EBF4: variants seen among roughly 807,000 people sequenced by gnomAD.
The protein encoded by EBF4 is transcription factor COE4.
A neutral mutation model predicts 67.1 loss-of-function variants in EBF4; 34 were observed. The observed-to-expected ratio is 0.51, with a 90% CI of 0.39 to 0.67. The LOEUF (loss-of-function observed/expected upper bound fraction) is 0.67. Among genes scored for constraint, EBF4 ranks in the 30% least tolerant of loss-of-function variants. The probability of loss-of-function intolerance (pLI) is 0.00; values close to 1 mark genes in which losing one functional copy is unlikely to be tolerated. For synonymous variants in EBF4, 387 were observed against 377.7 expected (o/e 1.02, Z -0.29); for missense variants, 837 against 873.3 (o/e 0.96, Z 0.52).
chr20:2,758,817 C>A, intron 15 of EBF4, 92 bp from the exon 16 acceptor site: 1 of 1,140,134 alleles, frequency 8.8e-7, no homozygotes, highest in South Asian at 1.3e-5. Context: ...GTGCTATATC[C>A]CCTGCCTGCT....
rs1321239063 is a variant in EBF4 at position 2,751,652 on chromosome 20, T to G, written c.1019-48T>G. On this transcript the variant is annotated intron_variant, in intron 10 of 16. Transcript: ENST00000609451. This position sits in a 1 kb window ranked among gnomAD's most constrained non-coding sequence, Gnocchi z 5.2. ...GGCGCCCTGCGTCTCACCCTGGGAG[T>G]GGGGGGCTGCGGGGGAGACGTCCTC... 6.5e-7 allele frequency: 1 copy of G among 1,536,600 alleles called. No homozygotes were observed. Among genetic ancestry groups the G allele is most frequent in the Non-Finnish European group, 8.8e-7 (1 of 1,135,426 alleles).
intron 6 of EBF4, among the ~76,000 whole-genome samples, chr20:2,722,751 TTTTA>T (rs1352539039): frequency 1.3e-5 from 2 of 152,258 alleles, no homozygotes; most frequent in Non-Finnish European, 2.9e-5. Context: ...TTGAAAAATG[TTTTA>T]TTTATTTCAT....
At chr20:2,708,098 G>A (rs2087485051) in intron 5 of EBF4, 78 bp downstream of exon 5, 8 of 1,425,114 alleles carry the variant, frequency 5.6e-6, no homozygotes, top group South Asian at 4.0e-5. Context: ...CTGCCCCCTC[G>A]CCGCCCTTGC....
At chr20:2,737,360 C>T (rs528789139) in intron 6 of EBF4, among the ~76,000 whole-genome samples, 1 of 152,118 alleles carries the variant, frequency 6.6e-6, no homozygotes, top group Non-Finnish European at 1.5e-5. Flanking sequence ...GTGAGTGAAC[C>T]GCCTGCAACT....
At chr20:2,728,240 G>A (rs2087769738) in intron 6 of EBF4, among the ~76,000 whole-genome samples, 2 of 152,216 alleles carry the variant, frequency 1.3e-5, no homozygotes, top group African/African-American at 4.8e-5. Context: ...ATCCCTGGAT[G>A]AAATAATGGA....
intron 6 of EBF4, among the ~76,000 whole-genome samples, chr20:2,717,759 C>T (rs1330680190): frequency 6.6e-6 from 1 of 151,290 alleles, no homozygotes; most frequent in Non-Finnish European, 1.5e-5. Context: ...TGCTTTATTG[C>T]ACTGGCTAGG....
At chr20:2,693,188 G>T, upstream of EBF4, 1 of 155,118 alleles carries the variant, frequency 6.4e-6, no homozygotes, top group South Asian at 1.8e-4. This position sits in a 1 kb window ranked among gnomAD's most constrained non-coding sequence, Gnocchi z 4.6. Context: ...GCGGGCGGGC[G>T]GGCGGGAGGT....
At chr20:2,752,911 T>C (rs1282646239) in intron 14 of EBF4, among the ~76,000 whole-genome samples, 2 of 152,314 alleles carry the variant, frequency 1.3e-5, no homozygotes, top group South Asian at 2.1e-4. Context: ...GCGCCCGGAC[T>C]TGGGGAGGAG....
At position 2,729,713 on chromosome 20, in the gene EBF4, C is replaced by A. The variant is rs187564930; in HGVS notation, c.558-18836C>A. Among the ~76,000 whole-genome samples, 38 of 152,302 alleles carry A rather than the reference C, an allele frequency of 2.5e-4. 1 individual carries two copies. Among genetic ancestry groups the A allele is most frequent in the African/African-American group, 9.1e-4 (38 of 41,572 alleles). ...TACATTGTCGTTCTTAACTTTGAGA[C>A]CTCAGCTGAAACCAAGACAAAAAGA... On this transcript the variant is annotated intron_variant, in intron 6 of 16. Coordinates refer to ENST00000609451, the Ensembl canonical transcript of EBF4.
intron 10 of EBF4, 115 bp downstream of exon 10, chr20:2,750,088 A>C: frequency 7.1e-7 from 1 of 1,399,750 alleles, no homozygotes; most frequent in Non-Finnish European, 9.3e-7. Flanking sequence ...TGTGGCCACG[A>C]CCCCTAGACG....
intron 6 of EBF4, among the ~76,000 whole-genome samples, chr20:2,728,190 A>G (rs1404014174): frequency 6.6e-6 from 1 of 152,210 alleles, no homozygotes; most frequent in Non-Finnish European, 1.5e-5. Flanking sequence ...CATTTCTAAC[A>G]ACTGCCCTAT....
intron 1 of EBF4, among the ~76,000 whole-genome samples, chr20:2,705,063 G>C (rs2087431442): frequency 6.6e-6 from 1 of 152,248 alleles, no homozygotes; most frequent in Non-Finnish European, 1.5e-5. Flanking sequence ...TAGTGGTCCT[G>C]AGCCAGTTTG....
At chr20:2,725,353 T>C (rs369527141) in intron 6 of EBF4, among the ~76,000 whole-genome samples, 56 of 152,316 alleles carry the variant, frequency 3.7e-4, no homozygotes, top group East Asian at 1.7e-3. Context: ...ATCCCATGAG[T>C]TTTTTATTTC....
intron 2 of EBF4, 62 bp downstream of exon 2, chr20:2,705,795 A>G: frequency 3.6e-6 from 3 of 835,150 alleles, no homozygotes; most frequent in East Asian, 4.3e-5. Flanking sequence ...CCACACACAC[A>G]CACACACACA....
intron 1 of EBF4, among the ~76,000 whole-genome samples, chr20:2,697,186 C>T (rs2087302238): frequency 1.3e-5 from 2 of 152,202 alleles, no homozygotes; most frequent in South Asian, 4.1e-4. Flanking sequence ...GAGGAAAAGG[C>T]CCAGAAGGCC....
At position 2,745,778 on chromosome 20, in the gene EBF4, C is replaced by T. The variant is rs117609091; in HGVS notation, c.558-2771C>T. Among the ~76,000 whole-genome samples the T allele has an allele frequency of 1.7e-3, 263 of 152,268 alleles. 1 individual carries two copies. Among genetic ancestry groups the T allele is most frequent in the Middle Eastern group, 6.8e-3 (2 of 294 alleles). On this transcript the variant is annotated intron_variant, in intron 6 of 16. Coordinates refer to ENST00000609451, the Ensembl canonical transcript of EBF4. The surrounding 1 kb of genome is among the most constrained non-coding windows in gnomAD (Gnocchi z 5.2). ...CCTTCATGGGTGTGGAAGGATTTAC[C>T]TACCCCGGGTCATGCAGAGAGTCCA...
chr20:2,737,132 C>A (rs1409054557), intron 6 of EBF4, among the ~76,000 whole-genome samples: 1 of 151,810 alleles, frequency 6.6e-6, no homozygotes, highest in Admixed American at 6.6e-5. Context: ...CGCCTGTAGT[C>A]CCAGCTACTC....
At chr20:2,710,006 C>T (rs1202134607) in intron 6 of EBF4, among the ~76,000 whole-genome samples, 2 of 152,228 alleles carry the variant, frequency 1.3e-5, no homozygotes, top group Non-Finnish European at 2.9e-5. Context: ...CTCAGGTTCC[C>T]AGTTCACCCC....
At position 2,706,420 on chromosome 20, in the gene EBF4, G is replaced by A. The variant is rs192858784; in HGVS notation, c.414+156G>A. ...CCCAGTTCCCACCCCAGCCTGTGCC[G>A]GAGGGTGTGTGGCTTTTGCCCTCTG... On this transcript the variant is annotated intron_variant, in intron 4 of 16. Coordinates refer to ENST00000609451, the Ensembl canonical transcript of EBF4. 1.2e-3 allele frequency among the ~76,000 whole-genome samples: 178 copies of A among 152,250 alleles called. 2 individuals are homozygous for A. The highest frequency in any genetic ancestry group is 4.6e-4 in the Non-Finnish European group (31 of 68,008).
Sources: gnomAD v4.1 joint callset for allele counts (sites outside exome capture counted in the v4.1 genomes callset) on GRCh38, gnomAD v4.1.1 for gene constraint, Gnocchi (gnomAD v3.1) non-coding constraint, MANE v1.5 for transcripts, NCBI Gene and HGNC (gene_info 2026-07-23, HGNC 2026-07-21) for gene names.